Variants in PAPPA2 observed in about 807,000 individuals in gnomAD.
PAPPA2 encodes pappalysin-2.
PAPPA2 carries 86 observed loss-of-function variants against 176.4 expected under a neutral mutation model. The observed-to-expected ratio is 0.49, with a 90% CI of 0.41 to 0.58. PAPPA2 has a LOEUF of 0.58. PAPPA2 is among the 20% of genes least tolerant of loss of function. PAPPA2 has a pLI of 0.00. For missense variants in PAPPA2, 2,073 were observed against 2,256.9 expected (o/e 0.92, Z 1.65); for synonymous variants, 809 against 852.2 (o/e 0.95, Z 0.88).
At chr1:176,580,643 T>A (rs961189477) in intron 2 of PAPPA2, among the ~76,000 whole-genome samples, 1 of 6,464 alleles carries the variant, frequency 1.5e-4, no homozygotes, top group South Asian at 1.2e-3. Context: ...TTGCCAGCAT[T>A]TTTTTTTTGT....
chr1:176,620,943 C>A (rs139444586), intron 3 of PAPPA2, among the ~76,000 whole-genome samples: 5 of 152,128 alleles, frequency 3.3e-5, no homozygotes, highest in Non-Finnish European at 7.4e-5. Context: ...AAGGTACATT[C>A]TGCCTTCAGG....
intron 3 of PAPPA2, among the ~76,000 whole-genome samples, chr1:176,647,026 CT>C (rs1247871106): frequency 1.3e-4 from 20 of 151,464 alleles, no homozygotes; most frequent in Non-Finnish European, 3.0e-5. Context: ...ATATTCTTAC[CT>C]ACTGTATATA....
At chr1:176,792,658 A>G (rs748300305) in intron 19 of PAPPA2, among the ~76,000 whole-genome samples, 9 of 152,190 alleles carry the variant, frequency 5.9e-5, no homozygotes, top group Non-Finnish European at 8.8e-5. Flanking sequence ...ACATGTATAC[A>G]TATGTAACTA....
chr1:176,562,488 G>A (rs1370623604), intron 2 of PAPPA2, among the ~76,000 whole-genome samples: 1 of 152,190 alleles, frequency 6.6e-6, no homozygotes, highest in Admixed American at 6.5e-5. Context: ...AGGTTTGCAT[G>A]GCCCTCTCCT....
intron 3 of PAPPA2, among the ~76,000 whole-genome samples, chr1:176,607,525 G>A (rs565817477): frequency 6.6e-6 from 1 of 152,166 alleles, no homozygotes; most frequent in Non-Finnish European, 1.5e-5. Flanking sequence ...TCATGTTGCT[G>A]CAAATGGCAG....
chr1:176,785,718 A>G (rs1266939285), intron 17 of PAPPA2, among the ~76,000 whole-genome samples: 2 of 152,074 alleles, frequency 1.3e-5, no homozygotes, highest in Non-Finnish European at 2.9e-5. Flanking sequence ...TCTGGGTGCC[A>G]TGATGGAAGG....
intron 3 of PAPPA2, chr1:176,616,296 C>A: frequency 1.9e-6 from 1 of 524,896 alleles, no homozygotes; most frequent in Non-Finnish European, 3.7e-6. Context: ...GTTTATATGA[C>A]TATTGGAATC....
At chr1:176,594,361 T>A (rs1323191835) in intron 2 of PAPPA2, among the ~76,000 whole-genome samples, 163 bp from the exon 3 acceptor site, 1 of 152,232 alleles carries the variant, frequency 6.6e-6, no homozygotes, top group Non-Finnish European at 1.5e-5. Context: ...CGGCCTGATA[T>A]AGGGATATGA....
At chr1:176,654,642 C>T (rs1588047) in intron 3 of PAPPA2, among the ~76,000 whole-genome samples, 75,663 of 150,978 alleles carry the variant, frequency 0.5, 21,182 homozygotes, top group African/African-American at 0.75. Context: ...AGAGATTGCA[C>T]TGACTCTATA....
At position 176,671,099 on chromosome 1, in the gene PAPPA2, C is replaced by T. The variant is rs34429842; in HGVS notation, c.2121C>T (p.Asp707=). 3,927 of 1,613,644 alleles carry T rather than the reference C, an allele frequency of 2.4e-3. 51 individuals carry two copies. In the African/African-American group the frequency reaches 0.027, roughly 11 times the overall value. ...CTGCCACCTGGCCTTGGGACAAGGA[C>T]GCTGTCACTCACCTGGGTAAGTGAA... ...AGAATWPWDK[D]AVTHLGGIVL... Residue 707 remains aspartate (D), a synonymous_variant, in exon 4 of 23, where the codon GAC becomes GAT. Transcript: ENST00000367662.
At chr1:176,508,363 G>T (rs1648410776) in intron 1 of PAPPA2, among the ~76,000 whole-genome samples, 1 of 152,074 alleles carries the variant, frequency 6.6e-6, no homozygotes, top group Admixed American at 6.6e-5. Context: ...AACAGCTATT[G>T]TAAATATGCA....
At chr1:176,528,498 C>T (rs1209559832) in intron 1 of PAPPA2, among the ~76,000 whole-genome samples, 2 of 152,198 alleles carry the variant, frequency 1.3e-5, no homozygotes, top group East Asian at 3.9e-4. Context: ...CATTTGAATA[C>T]AGGTGTGTCT....
Position 176,556,646 on chromosome 1 carries a change from C to T in PAPPA2, c.324C>T (p.Pro108=), listed in dbSNP as rs1651313946. The change falls in exon 2 of 23, where the codon CCC becomes CCT. Residue 108 remains proline (P), a synonymous_variant. Transcript: ENST00000367662. The part of the protein sequence containing the change: ...DTEGNAVSLV[P]PDLTENPAGL... ...AAGGAAATGCTGTGAGCCTTGTTCC[C>T]CCAGACCTGACTGAAAATCCAGCAG... The T allele has an allele frequency of 6.2e-7, 1 of 1,614,174 alleles. No homozygotes were observed. The highest frequency in any genetic ancestry group is 1.1e-5 in the South Asian group (1 of 91,084).
rs1653891177 is a variant in PAPPA2, at chr1:176,595,091, C to T, written c.1487C>T (p.Pro496Leu). Residue 496 changes from proline (P) to leucine (L), a missense_variant, in exon 3 of 23, where the codon CCC (proline) becomes CTC (leucine). Physicochemically the swap from Pro to Leu is moderately conservative, Grantham distance 98. This residue lies in a region of PAPPA2 where 1,196 missense variants were observed against 1,330.4 expected (regional missense o/e 0.90). Transcript: ENST00000367662. ...CCTGAGATTCTGTCGCCTTTGCAGC[C>T]CCCACTCTGTGGGCAAACAGTCTGT... The part of the protein sequence containing the change: ...PEPEILSPLQ[P>L]PLCGQTVCDN... 2 of 1,614,124 alleles carry T rather than the reference C, an allele frequency of 1.2e-6. No homozygotes were observed. Among genetic ancestry groups the T allele is most frequent in the Non-Finnish European group, 1.7e-6 (2 of 1,180,008 alleles).
chr1:176,691,322 G>A (rs577462022), intron 5 of PAPPA2: 2 of 328,774 alleles, frequency 6.1e-6, no homozygotes, highest in South Asian at 2.4e-4. Flanking sequence ...GACTTTGAAG[G>A]GAGGAAAGCG....
At chr1:176,742,071 C>T (rs1662703312) in intron 14 of PAPPA2, among the ~76,000 whole-genome samples, 1 of 152,188 alleles carries the variant, frequency 6.6e-6, no homozygotes, top group South Asian at 2.1e-4. Flanking sequence ...TCCCTGTTCC[C>T]ATAGGACATA....
At chr1:176,806,148 C>G (rs1171465272) in intron 21 of PAPPA2, among the ~76,000 whole-genome samples, 2 of 152,110 alleles carry the variant, frequency 1.3e-5, no homozygotes, top group Non-Finnish European at 2.9e-5. Flanking sequence ...GAGGAAATTT[C>G]CAATAACTCT....
At position 176,812,904 on chromosome 1, in the gene PAPPA2, A is replaced by G. The variant is rs554805595; in HGVS notation, c.5202+12772A>G. ...CCATTACCTAAGTATTAAGCACAGT[A>G]TCCATAAGCTATTCTTCCTAATGCT... On this transcript the variant is annotated intron_variant, in intron 21 of 22. Coordinates refer to ENST00000367662, the MANE Select transcript of PAPPA2 (RefSeq NM_020318.3). 1.4e-4 allele frequency among the ~76,000 whole-genome samples: 21 copies of G among 152,114 alleles called. No individual in the cohort carries two copies. The East Asian group carries it at 3.9e-3, about 28-fold the overall frequency.
chr1:176,675,722 G>T (rs1659253495), intron 4 of PAPPA2, among the ~76,000 whole-genome samples: 1 of 152,000 alleles, frequency 6.6e-6, no homozygotes, highest in Non-Finnish European at 1.5e-5. Context: ...TATTCAAAGA[G>T]ATAATGGCCG....
Sources: allele counts gnomAD v4.1 joint callset (sites outside exome capture counted in the v4.1 genomes callset), GRCh38; gene constraint gnomAD v4.1.1; regional missense constraint gnomAD v4.1.1; transcripts MANE v1.5; gene names NCBI Gene and HGNC (gene_info 2026-07-23, HGNC 2026-07-21).